OVCH1: variants seen among roughly 807,000 people sequenced by gnomAD.
OVCH1 encodes the protein ovochymase-1.
Under a neutral mutation model 138.4 loss-of-function variants are expected in OVCH1, and 139 were observed. That is an observed-to-expected ratio of 1.00 (90% CI 0.87 to 1.16). OVCH1 has a LOEUF of 1.16. Ranked by LOEUF, OVCH1 falls within the 50% of genes most tolerant of loss-of-function variation. The probability of loss-of-function intolerance (pLI) is 0.00; values close to 1 mark genes in which losing one functional copy is unlikely to be tolerated. For synonymous variants in OVCH1, 453 were observed against 467.8 expected, an observed-to-expected ratio of 0.97 and a Z score of 0.41; for missense variants, 1,367 against 1,357.9, an observed-to-expected ratio of 1.01 and a Z score of -0.11.
chr12:29,485,969 A>AAAATAAATAAAT (rs60243865), intron 8 of OVCH1, among the ~76,000 whole-genome samples: 31 of 136,332 alleles, frequency 2.3e-4, no homozygotes, highest in Non-Finnish European at 3.3e-4. Flanking sequence ...AAAATAAAAT[A>AAAATAAATAAAT]AAATAAATAA....
chr12:29,478,904 C>G (rs772275639), exon 9 of OVCH1: 1 of 1,580,624 alleles, frequency 6.3e-7, no homozygotes, highest in East Asian at 2.3e-5. Flanking sequence ...TTTTCCATGT[C>G]TAAACTTGTA....
chr12:29,493,637 G>T (rs562226977), intron 4 of OVCH1, among the ~76,000 whole-genome samples: 63 of 152,204 alleles, frequency 4.1e-4, no homozygotes, highest in South Asian at 1.5e-3. Flanking sequence ...ATATTCTATT[G>T]AGTTTCTAAT....
At chr12:29,425,991 G>T (rs911588787), downstream of OVCH1, 6 of 152,028 alleles carry the variant, frequency 3.9e-5, no homozygotes, top group Admixed American at 2.6e-4. Flanking sequence ...TGACCAAGGG[G>T]GATATTCAAA....
At chr12:29,443,258 C>T (rs1367841261) in intron 25 of OVCH1, 103 bp downstream of exon 25, 5 of 1,118,146 alleles carry the variant, frequency 4.5e-6, no homozygotes, top group Non-Finnish European at 3.8e-6. Context: ...TAAGAAGAGA[C>T]TAGTGTATGT....
intron 8 of OVCH1, among the ~76,000 whole-genome samples, chr12:29,479,441 G>A (rs1037945052): frequency 5.9e-5 from 9 of 152,146 alleles, no homozygotes; most frequent in Non-Finnish European, 1.5e-5. Flanking sequence ...AAGGTCAGCT[G>A]TGACTTTTTG....
chr12:29,413,649 G>T (rs1159018631), intron 3 of OVCH1, among the ~76,000 whole-genome samples: 2 of 140,916 alleles, frequency 1.4e-5, no homozygotes, highest in African/African-American at 2.5e-5. Context: ...TTATGTATGT[G>T]TCTGTGTGTA....
At chr12:29,459,205 C>T (rs889160841) in intron 19 of OVCH1, among the ~76,000 whole-genome samples, 2 of 152,162 alleles carry the variant, frequency 1.3e-5, no homozygotes, top group Non-Finnish European at 1.5e-5. Flanking sequence ...CAACACTATT[C>T]ACAATGACCA....
intron 4 of OVCH1, among the ~76,000 whole-genome samples, chr12:29,492,039 TAC>T (rs1276229341): frequency 6.6e-6 from 1 of 152,148 alleles, no homozygotes; most frequent in African/African-American, 2.4e-5. Context: ...GCAAATATAA[TAC>T]ATTGTTCAGT....
chr12:29,464,679 T>G (rs1476342081), exon 18 of OVCH1: 2 of 1,613,256 alleles, frequency 1.2e-6, no homozygotes, highest in Non-Finnish European at 1.7e-6. Context: ...CTTCATGCAC[T>G]ATTATGTGTT....
At chr12:29,438,438 C>T (rs530816050) in intron 26 of OVCH1, among the ~76,000 whole-genome samples, 3 of 149,438 alleles carry the variant, frequency 2.0e-5, no homozygotes, top group African/African-American at 4.9e-5. Flanking sequence ...AGATAAACTT[C>T]GGAGTTAATT....
intron 3 of OVCH1, among the ~76,000 whole-genome samples, chr12:29,415,279 G>C (rs1440637893): frequency 6.6e-6 from 1 of 152,170 alleles, no homozygotes; most frequent in Non-Finnish European, 1.5e-5. Context: ...GGGAACGTTT[G>C]TAATGACGAC....
chr12:29,462,282 T>C (rs1159658506), intron 18 of OVCH1, among the ~76,000 whole-genome samples: 1 of 150,764 alleles, frequency 6.6e-6, no homozygotes, highest in Non-Finnish European at 1.5e-5. Context: ...TAAATGTTAG[T>C]GTATCAAATA....
At chr12:29,489,544 G>A in intron 6 of OVCH1, 76 bp downstream of exon 6, 3 of 1,432,276 alleles carry the variant, frequency 2.1e-6, no homozygotes, top group Non-Finnish European at 2.8e-6. Context: ...AGAAACATGA[G>A]CTTCTTTTGG....
At chr12:29,419,022 T>C (rs1008817469) in intron 3 of OVCH1, among the ~76,000 whole-genome samples, 1 of 151,784 alleles carries the variant, frequency 6.6e-6, no homozygotes, top group Non-Finnish European at 1.5e-5. Flanking sequence ...GCCCAGCTAA[T>C]TTTTTTTAGT....
chr12:29,427,462 T>A (rs150471178), downstream of OVCH1: 81 of 1,447,630 alleles, frequency 5.6e-5, no homozygotes, highest in African/African-American at 9.7e-4. Flanking sequence ...ATAGAGGAGG[T>A]CTCAGGTAAG....
chr12:29,414,248 A>C (rs912505609), intron 3 of OVCH1, among the ~76,000 whole-genome samples: 2 of 149,964 alleles, frequency 1.3e-5, no homozygotes, highest in African/African-American at 4.9e-5. Flanking sequence ...CTGGTCTTGA[A>C]CTCCTGACCT....
chr12:29,456,032 C>T (rs1387537641), intron 19 of OVCH1, among the ~76,000 whole-genome samples: 1 of 152,188 alleles, frequency 6.6e-6, no homozygotes, highest in Non-Finnish European at 1.5e-5. Flanking sequence ...AAAATGTATT[C>T]ATTCTAATTC....
chr12:29,443,016 C>A (rs1407856932), intron 25 of OVCH1, among the ~76,000 whole-genome samples: 1 of 151,960 alleles, frequency 6.6e-6, no homozygotes, highest in Non-Finnish European at 1.5e-5. Flanking sequence ...CATGTAATGC[C>A]TTTTGCTGTG....
chr12:29,495,354 C>A lies in OVCH1; in HGVS notation c.385G>T (p.Glu129Ter). The change falls in exon 4 of 28, where the codon GAA becomes TAA. Residue 129 changes from glutamate to a stop codon, truncating the protein, a stop_gained. Coordinates refer to ENST00000318184, the Ensembl canonical transcript of OVCH1. LOFTEE classifies it high-confidence loss of function. Reference sequence around the variant, plus strand: ...CTCATATATTCACGGCTGTTGTATTCAGGATGGGTAATAATTTTTGAGACA... The same window carrying A: ...CTCATATATTCACGGCTGTTGTATTAAGGATGGGTAATAATTTTTGAGACA... 4.3e-6 allele frequency: 7 copies of A among 1,613,208 alleles called. No homozygotes were observed. Among genetic ancestry groups the A allele is most frequent in the Non-Finnish European group, 5.9e-6 (7 of 1,179,392 alleles).
Sources: gnomAD v4.1 joint callset for allele counts (sites outside exome capture counted in the v4.1 genomes callset) on GRCh38, gnomAD v4.1.1 for gene constraint, MANE v1.5 for transcripts, NCBI Gene and HGNC (gene_info 2026-07-23, HGNC 2026-07-21) for gene names.